The following C4orf50 variants were observed in gnomAD, a reference collection of about 807,000 sequenced individuals.
C4orf50 encodes chromosome 4 open reading frame 50, also known as uncharacterized protein C4orf50.
C4orf50 carries 80 observed loss-of-function variants against 77.2 expected under a neutral mutation model. The ratio of observed to expected loss-of-function variants is 1.04; its 90% CI spans 0.87 to 1.25. The LOEUF is 1.25. C4orf50 is among the 50% of genes most tolerant of loss of function. The pLI is 0.00. For missense variants in C4orf50, 1,257 were observed against 1,152.9 expected (o/e 1.09, Z -1.31); for synonymous variants, 532 against 465.3 (o/e 1.14, Z -1.84).
chr4:5,945,863 C>T (rs1718458471), intron 7 of C4orf50, among the ~76,000 whole-genome samples: 1 of 152,178 alleles, frequency 6.6e-6, no homozygotes, highest in Non-Finnish European at 1.5e-5. Flanking sequence ...GCCCTCTTGG[C>T]CCCAGTTTCA....
Position 6,008,257 on chromosome 4 carries a change from G to A in C4orf50, c.702C>T (p.Thr234=), listed in dbSNP as rs889910996. The A allele has an allele frequency of 2.3e-5, 9 of 393,912 alleles. No homozygotes were observed. In the Admixed American group the frequency reaches 3.1e-4, roughly 14 times the overall value. The allele number at this position is 393,912 out of a possible 1,614,324, so 24.4% of individuals were successfully genotyped here. ...GGGCGCGCAGTTCCGCAGCCGCCTCGGTGGCGCCCTGGGAGCCTGGGGCCG... is the reference window on the plus strand; with the variant it reads ...GGGCGCGCAGTTCCGCAGCCGCCTCAGTGGCGCCCTGGGAGCCTGGGGCCG... Residue 234 remains threonine (T), a synonymous_variant, in exon 25 of 34, where the codon ACC becomes ACT. Transcript: ENST00000531445. The surrounding 1 kb of genome is among the most constrained non-coding windows in gnomAD (Gnocchi z 6.0).
intron 7 of C4orf50, among the ~76,000 whole-genome samples, chr4:5,930,843 C>T (rs1260261768): frequency 6.6e-6 from 1 of 152,232 alleles, no homozygotes; most frequent in African/African-American, 2.4e-5. Flanking sequence ...TGATGCCCAG[C>T]ATGGGCCTGG....
intron 7 of C4orf50, among the ~76,000 whole-genome samples, chr4:5,912,047 CAAAACAAAAAAACAA>C (rs1716829146): frequency 6.8e-6 from 1 of 146,658 alleles, no homozygotes; most frequent in Non-Finnish European, 1.5e-5. Context: ...CTCCGTCTTG[CAAAACAAAAAAACAA>C]AAAACAAAAA....
At chr4:5,994,431 C>T in exon 26 of C4orf50, 2 of 399,186 alleles carry the variant, frequency 5.0e-6, no homozygotes, top group Non-Finnish European at 8.8e-6. Flanking sequence ...AGGGCCTCCT[C>T]CCTGGGCAGG....
chr4:5,919,165 G>A lies in C4orf50; in HGVS notation c.*2475-20977C>T, dbSNP rs936000664. On this transcript the variant is annotated intron_variant, in intron 7 of 7. Transcript: ENST00000324058. This position sits in a 1 kb window ranked among gnomAD's most constrained non-coding sequence, Gnocchi z 6.5. ...TGGGGTGTGGGGGCAACGTCAGATC[G>A]CAGGACTCCTCTCTCATTCAGGGCC... Among the ~76,000 whole-genome samples, 2 of 152,078 alleles carry A rather than the reference G, an allele frequency of 1.3e-5. No individual in the cohort carries two copies. The highest frequency in any genetic ancestry group is 2.9e-5 in the Non-Finnish European group (2 of 68,012).
Position 5,901,695 on chromosome 4 carries a change from T to C in C4orf50, c.*2475-3507A>G, listed in dbSNP as rs989077608. 2.0e-5 allele frequency: 3 copies of C among 152,244 alleles called. No homozygotes were observed. In the South Asian group the frequency reaches 6.2e-4, roughly 31 times the overall value. 9.4% of individuals were successfully genotyped at this position (152,244 alleles called of 1,614,324 possible). On this transcript the variant is annotated intron_variant, in intron 7 of 7. Coordinates refer to the C4orf50 transcript ENST00000324058. This position sits in a 1 kb window ranked among gnomAD's most constrained non-coding sequence, Gnocchi z 4.4. ...GTGTCCTGTGTGCAGTGGGATGGAC[T>C]GTTCACCCCAGGAGTGCTCCATTGG...
Position 5,932,511 on chromosome 4 carries a change from C to T in C4orf50, c.*2474+24390G>A, listed in dbSNP as rs1717811881. On this transcript the variant is annotated intron_variant, in intron 7 of 7. Coordinates refer to the C4orf50 transcript ENST00000324058. This position sits in a 1 kb window ranked among gnomAD's most constrained non-coding sequence, Gnocchi z 4.2. ...AGTGCCGTGGCTCCATCACAGTTCA[C>T]TGCAGCCTCGACCTCCCAGGCTCAA... Among the ~76,000 whole-genome samples, 1 of 152,252 alleles carries T rather than the reference C, an allele frequency of 6.6e-6. No individual in the cohort carries two copies. The highest frequency in any genetic ancestry group is 2.1e-4 in the South Asian group (1 of 4,832).
At position 6,007,039 on chromosome 4, in the gene C4orf50, G is replaced by A. The variant is rs146421574; in HGVS notation, c.963+957C>T. ...CAGCATGTTGAAGATTTTGTCTAGCGCAGGGCCTGGCTGTCAGCAGGAACT... is the reference window on the plus strand; with the variant it reads ...CAGCATGTTGAAGATTTTGTCTAGCACAGGGCCTGGCTGTCAGCAGGAACT... On this transcript the variant is annotated intron_variant, in intron 25 of 33. Coordinates refer to ENST00000531445, the Ensembl canonical transcript of C4orf50. This position sits in a 1 kb window ranked among gnomAD's most constrained non-coding sequence, Gnocchi z 4.1. Among the ~76,000 whole-genome samples, 41 of 152,304 alleles carry A rather than the reference G, an allele frequency of 2.7e-4. No individual in the cohort carries two copies. The highest frequency in any genetic ancestry group is 8.7e-4 in the African/African-American group (36 of 41,554).
intron 7 of C4orf50, among the ~76,000 whole-genome samples, chr4:5,909,257 C>G (rs1238301940): frequency 6.6e-6 from 1 of 152,226 alleles, no homozygotes; most frequent in Non-Finnish European, 1.5e-5. Flanking sequence ...GCTGAGCACA[C>G]TGGCCTTGAC....
intron 7 of C4orf50, among the ~76,000 whole-genome samples, chr4:5,918,178 A>C (rs1259928232): frequency 6.6e-6 from 1 of 152,202 alleles, no homozygotes; most frequent in Non-Finnish European, 1.5e-5. Flanking sequence ...CATATCATAC[A>C]ACCACCTCCC....
chr4:5,983,308 C>A (rs940849270), intron 28 of C4orf50, among the ~76,000 whole-genome samples: 71 of 152,336 alleles, frequency 4.7e-4, no homozygotes, highest in African/African-American at 1.7e-3. Flanking sequence ...CAAGGGCCTG[C>A]AAGCCTTCTG....
At chr4:5,971,253 T>C (rs1719891290) in intron 31 of C4orf50, among the ~76,000 whole-genome samples, 1 of 152,218 alleles carries the variant, frequency 6.6e-6, no homozygotes, top group Non-Finnish European at 1.5e-5. Context: ...GTCCTCTGAA[T>C]TGACTGCCCA....
In C4orf50 at chr4:6,008,650, G is replaced by A. The variant is rs948867353; in HGVS notation, c.427-118C>T. 14 of 392,454 alleles carry A rather than the reference G, an allele frequency of 3.6e-5. No individual in the cohort carries two copies. The highest frequency in any genetic ancestry group is 2.9e-4 in the African/African-American group (14 of 48,304). 24.3% of individuals were successfully genotyped at this position (392,454 alleles called of 1,614,324 possible). ...TGTGCATGGTGCGTTTTTGCATTTT[G>A]TGCATTGTAATAGTGCATCAAAGTA... On this transcript the variant is annotated intron_variant, in intron 24 of 33. Transcript: ENST00000531445. This position sits in a 1 kb window ranked among gnomAD's most constrained non-coding sequence, Gnocchi z 6.0.
exon 30 of C4orf50, chr4:5,975,911 C>A: frequency 6.2e-7 from 1 of 1,613,246 alleles, no homozygotes; most frequent in Non-Finnish European, 8.5e-7. Flanking sequence ...TCAGGGGAGT[C>A]ACTGCCAACT....
At chr4:5,955,459 T>C (rs1363459710), downstream of C4orf50, among the ~76,000 whole-genome samples, 1 of 152,124 alleles carries the variant, frequency 6.6e-6, no homozygotes, top group Non-Finnish European at 1.5e-5. The surrounding 1 kb of genome is among the most constrained non-coding windows in gnomAD (Gnocchi z 5.1). Context: ...GGCCACGTGA[T>C]ACCTTTCAAG....
chr4:6,004,163 AGTGATGATGGTGATGATGGTGATG>A (rs1722060332), intron 25 of C4orf50, among the ~76,000 whole-genome samples: 3 of 24,382 alleles, frequency 1.2e-4, no homozygotes, highest in African/African-American at 3.3e-4. Flanking sequence ...TGGTGATGAT[AGTGATGATGGTGATGATGGTGATG>A]GTGATGATGG....
At chr4:5,974,350 G>A (rs1198290701) in intron 30 of C4orf50, among the ~76,000 whole-genome samples, 1 of 152,146 alleles carries the variant, frequency 6.6e-6, no homozygotes, top group African/African-American at 2.4e-5. Context: ...GGGGAGGGAA[G>A]CCTCACACTG....
chr4:6,000,470 G>C lies in C4orf50; in HGVS notation c.964-5994C>G, dbSNP rs1356124848. 6.6e-6 allele frequency among the ~76,000 whole-genome samples: 1 copy of C among 152,136 alleles called. No homozygotes were observed. The highest frequency in any genetic ancestry group is 2.4e-5 in the African/African-American group (1 of 41,430). ...TCCAGGCAGCCCTTTTTGACCTCAAGATGCTGTTTGTGGGCCATCAGCTTC... is the reference window on the plus strand; with the variant it reads ...TCCAGGCAGCCCTTTTTGACCTCAACATGCTGTTTGTGGGCCATCAGCTTC... On this transcript the variant is annotated intron_variant, in intron 25 of 33. Coordinates refer to ENST00000531445, the Ensembl canonical transcript of C4orf50. The surrounding 1 kb of genome is among the most constrained non-coding windows in gnomAD (Gnocchi z 6.0).
Position 5,916,059 on chromosome 4 carries a change from A to G in C4orf50, c.*2475-17871T>C, listed in dbSNP as rs1717016266. Among the ~76,000 whole-genome samples the G allele has an allele frequency of 6.6e-6, 1 of 152,188 alleles. No homozygotes were observed. The highest frequency in any genetic ancestry group is 1.5e-5 in the Non-Finnish European group (1 of 68,034). ...AGGAAGGCAAGGCTAGTCCTGTAAC[A>G]AGGGATGGGTGTGCAGCTACCACAG... is the stretch of plus-strand genomic sequence containing the variant. On this transcript the variant is annotated intron_variant, in intron 7 of 7. Transcript: ENST00000324058. This position sits in a 1 kb window ranked among gnomAD's most constrained non-coding sequence, Gnocchi z 4.4.
Sources: gnomAD v4.1 joint callset for allele counts (sites outside exome capture counted in the v4.1 genomes callset) on GRCh38, gnomAD v4.1.1 for gene constraint, Gnocchi (gnomAD v3.1) non-coding constraint, MANE v1.5 for transcripts, NCBI Gene and HGNC (gene_info 2026-07-23, HGNC 2026-07-21) for gene names.